Variants in CDH18 observed in about 807,000 individuals in gnomAD.
The protein encoded by CDH18 is cadherin-18.
CDH18 carries 31 observed loss-of-function variants against 67.9 expected under a neutral mutation model. The ratio of observed to expected loss-of-function variants is 0.46; its 90% CI spans 0.34 to 0.62. The LOEUF is 0.62. CDH18 is among the 20% of genes least tolerant of loss of function. The pLI, the probability that CDH18 is intolerant of heterozygous loss-of-function variation, is 0.01. For synonymous variants in CDH18, 362 were observed against 347.2 expected (o/e 1.04, Z -0.48); for missense variants, 890 against 975.5 (o/e 0.91, Z 1.17).
intron 1 of CDH18, chr5:20,305,982 C>T (rs1736413877): frequency 6.4e-6 from 1 of 155,822 alleles, no homozygotes; most frequent in African/African-American, 2.4e-5. Context: ...ATTACTGTAG[C>T]TGCATATATA....
rs115667853 is a variant in CDH18 at position 19,611,587 on chromosome 5, G to A, written c.811+847C>T. On this transcript the variant is annotated intron_variant, in intron 6 of 12. Transcript: ENST00000382275. ...GAGATAAAGTTGAGAAAGGCATTTC[G>A]CGCTGATTTGAGAAGAGCCTGTATG... Among the ~76,000 whole-genome samples the A allele has an allele frequency of 7.2e-3, 1,099 of 152,106 alleles. 14 individuals are homozygous for A. Among genetic ancestry groups the A allele is most frequent in the African/African-American group, 0.025 (1,034 of 41,504 alleles).
chr5:20,203,106 CA>C (rs1561873987), intron 2 of CDH18, among the ~76,000 whole-genome samples: 1 of 152,082 alleles, frequency 6.6e-6, no homozygotes, highest in Non-Finnish European at 1.5e-5. Flanking sequence ...CGCCTGGCAC[CA>C]AGCCTGTGAA....
At chr5:20,397,932 AATTAC>A (rs1400778539) in intron 1 of CDH18, among the ~76,000 whole-genome samples, 1 of 152,200 alleles carries the variant, frequency 6.6e-6, no homozygotes, top group Non-Finnish European at 1.5e-5. Context: ...TTTAACAGAA[AATTAC>A]ATTACTTTAA....
chr5:19,908,054 G>T (rs1444264757), intron 2 of CDH18, among the ~76,000 whole-genome samples: 1 of 144,028 alleles, frequency 6.9e-6, no homozygotes. Flanking sequence ...AACATTAAAA[G>T]GCTAGTCTTC....
chr5:20,560,510 CA>C (rs1449673862), intron 1 of CDH18, among the ~76,000 whole-genome samples: 152 of 150,610 alleles, frequency 1.0e-3, no homozygotes, highest in Non-Finnish European at 1.7e-3. Flanking sequence ...CACACACACA[CA>C]CCCCTACATT....
At chr5:19,567,812 T>C (rs1287577077) in intron 8 of CDH18, among the ~76,000 whole-genome samples, 1 of 152,144 alleles carries the variant, frequency 6.6e-6, no homozygotes. Context: ...TTGGAAACTA[T>C]GTACCAATCA....
In CDH18 at chr5:19,800,368, A is replaced by C. The variant is rs545135802; in HGVS notation, c.228+38391T>G. On this transcript the variant is annotated intron_variant, in intron 3 of 12. Transcript: ENST00000382275. ...CCAACAATTGTGCCTATTCTTGGAAAAAAAATGTATGTAATTTTTTTAAGA... is the reference window on the plus strand; with the variant it reads ...CCAACAATTGTGCCTATTCTTGGAACAAAAATGTATGTAATTTTTTTAAGA... Among the ~76,000 whole-genome samples the C allele has an allele frequency of 3.3e-5, 5 of 152,328 alleles. No individual in the cohort carries two copies. In the South Asian group the frequency reaches 1.0e-3, roughly 32 times the overall value.
intron 11 of CDH18, among the ~76,000 whole-genome samples, chr5:19,499,910 C>CG (rs1202951605): frequency 7.9e-5 from 12 of 152,030 alleles, no homozygotes; most frequent in Admixed American, 6.6e-5. Flanking sequence ...ATCCTGGTTT[C>CG]GGGGCTATGT....
At chr5:20,062,296 T>G (rs1388002735) in intron 2 of CDH18, among the ~76,000 whole-genome samples, 2 of 151,908 alleles carry the variant, frequency 1.3e-5, no homozygotes, top group African/African-American at 4.8e-5. Flanking sequence ...ACTGGGACTA[T>G]AGGCATGTGC....
At chr5:20,118,063 C>T (rs1403750023) in intron 2 of CDH18, among the ~76,000 whole-genome samples, 2 of 152,122 alleles carry the variant, frequency 1.3e-5, no homozygotes, top group South Asian at 4.1e-4. Flanking sequence ...AAATAATTCC[C>T]AGAAAGAATC....
intron 2 of CDH18, among the ~76,000 whole-genome samples, chr5:20,104,975 T>C (rs886983207): frequency 2.0e-5 from 3 of 152,096 alleles, no homozygotes; most frequent in African/African-American, 7.2e-5. Context: ...ATATACACAA[T>C]AGAAATTGTT....
Position 19,782,283 on chromosome 5 carries a change from C to T in CDH18, c.229-35047G>A, listed in dbSNP as rs1035574349. Among the ~76,000 whole-genome samples the T allele has an allele frequency of 2.6e-5, 4 of 152,054 alleles. No homozygotes were observed. In the South Asian group the frequency reaches 8.3e-4, roughly 32 times the overall value. Reference sequence around the variant, plus strand: ...AAATGCCAGACACTTATGAAACCATCAGATCTCCTGAGACCCACTCATTAT... The same window carrying T: ...AAATGCCAGACACTTATGAAACCATTAGATCTCCTGAGACCCACTCATTAT... On this transcript the variant is annotated intron_variant, in intron 3 of 12. Coordinates refer to ENST00000382275, the MANE Select transcript of CDH18 (RefSeq NM_004934.5).
chr5:20,501,486 A>G (rs1183886794), intron 1 of CDH18, among the ~76,000 whole-genome samples: 8 of 66,720 alleles, frequency 1.2e-4, no homozygotes, highest in Non-Finnish European at 1.6e-4. Context: ...TACATATTAT[A>G]TATATTTTAT....
chr5:20,222,041 T>A (rs1178927191), intron 2 of CDH18, among the ~76,000 whole-genome samples: 2 of 151,984 alleles, frequency 1.3e-5, no homozygotes, highest in Non-Finnish European at 2.9e-5. Flanking sequence ...GTCACAAGAG[T>A]TGCTCTTCCC....
intron 5 of CDH18, among the ~76,000 whole-genome samples, chr5:19,688,748 T>C (rs2150412854): frequency 6.6e-6 from 1 of 151,966 alleles, no homozygotes; most frequent in South Asian, 2.1e-4. Context: ...TTAAAGAAGT[T>C]CCATGAAAAC....
At chr5:20,460,247 C>T (rs1354416228) in intron 1 of CDH18, among the ~76,000 whole-genome samples, 1 of 151,824 alleles carries the variant, frequency 6.6e-6, no homozygotes, top group Non-Finnish European at 1.5e-5. Flanking sequence ...CAGAAATTAG[C>T]TGGGTGTGGT....
chr5:20,525,123 C>T (rs2126533912), intron 1 of CDH18, among the ~76,000 whole-genome samples: 1 of 152,304 alleles, frequency 6.6e-6, no homozygotes, highest in Non-Finnish European at 1.5e-5. Context: ...CTAAGACATT[C>T]TGTAGCTTTA....
At chr5:20,008,037 G>C (rs1737065995) in intron 2 of CDH18, among the ~76,000 whole-genome samples, 1 of 151,890 alleles carries the variant, frequency 6.6e-6, no homozygotes, top group African/African-American at 2.4e-5. Context: ...CATATTCTGG[G>C]AGTTTCTCAA....
rs188613719 is a variant in CDH18 at position 20,402,168 on chromosome 5, A to G, written c.-579-146663T>C. 1.2e-4 allele frequency among the ~76,000 whole-genome samples: 19 copies of G among 152,188 alleles called. No homozygotes were observed. The East Asian group carries it at 3.7e-3, about 29-fold the overall frequency. ...TCTTTTTCAACGTTCAGCTCTCTAC[A>G]TGTAACCTACTCAGAAAGGATTTGG... On this transcript the variant is annotated intron_variant, in intron 1 of 14. Transcript: ENST00000507958.
Sources: allele counts gnomAD v4.1 joint callset (sites outside exome capture counted in the v4.1 genomes callset), GRCh38; gene constraint gnomAD v4.1.1; transcripts MANE v1.5; gene names NCBI Gene and HGNC (gene_info 2026-07-23, HGNC 2026-07-21).